Variants in METTL22 observed in about 807,000 individuals in gnomAD.
METTL22 encodes methyltransferase 22, Kin17 lysine, also known as methyltransferase-like protein 22.
METTL22 carries 51 observed loss-of-function variants against 48.4 expected under a neutral mutation model. The ratio of observed to expected loss-of-function variants is 1.05; its 90% CI spans 0.84 to 1.33. METTL22 has a LOEUF of 1.33. Ranked by LOEUF, METTL22 falls within the 40% of genes most tolerant of loss-of-function variation. METTL22 has a pLI of 0.00. For missense variants in METTL22, 678 were observed against 526.9 expected (o/e 1.29, Z -2.81); for synonymous variants, 255 against 214.1 (o/e 1.19, Z -1.67).
At chr16:8,623,382 G>A (rs2141671462) in intron 1 of METTL22, among the ~76,000 whole-genome samples, 1 of 151,250 alleles carries the variant, frequency 6.6e-6, no homozygotes, top group South Asian at 2.1e-4. Context: ...GATTTTTACA[G>A]CAATATTAGA....
intron 9 of METTL22, 21 bp from the exon 10 acceptor site, chr16:8,644,536 G>C: frequency 6.5e-7 from 1 of 1,527,306 alleles, no homozygotes; most frequent in Non-Finnish European, 8.8e-7. Context: ...CAGTTTGTGC[G>C]TCCGACTGGC....
the METTL22 span, among the ~76,000 whole-genome samples, chr16:8,660,683 C>G: frequency 6.6e-6 from 1 of 151,334 alleles, no homozygotes; most frequent in Non-Finnish European, 1.5e-5. Context: ...TTGGTAAGTA[C>G]TAGAAAGAAC....
chr16:8,631,529 A>G (rs1351946703), intron 3 of METTL22: 1 of 152,242 alleles, frequency 6.6e-6, no homozygotes. Flanking sequence ...GACAGCACAT[A>G]CAAAGCTCTT....
Position 8,646,115 on chromosome 16 carries a change from G to A in METTL22, c.1187G>A (p.Trp396Ter). 7.4e-7 allele frequency: 1 copy of A among 1,348,376 alleles called. No individual in the cohort carries two copies. The highest frequency in any genetic ancestry group is 9.6e-7 in the Non-Finnish European group (1 of 1,044,676). 83.5% of individuals were successfully genotyped at this position (1,348,376 alleles called of 1,614,324 possible). A position where few individuals can be genotyped will look rare whatever the true frequency, so the allele number is the denominator to read the frequency against. The change falls in exon 11 of 11, where the codon TGG becomes TAG. Residue 396 changes from tryptophan to a stop codon, truncating the protein, a stop_gained. Transcript: ENST00000381920. LOFTEE classifies it high-confidence loss of function. Reference sequence around the variant, plus strand: ...TTTCTCTGTTTGCTGCAGGAGCTCTGGAAGATCATCGCAGAACCAGTAACA... The same window carrying A: ...TTTCTCTGTTTGCTGCAGGAGCTCTAGAAGATCATCGCAGAACCAGTAACA... ...VYERLQQLELWKIIAEPVT is the reference protein window; with the variant it reads ...VYERLQQLEL
At chr16:8,635,112 G>C (rs2056381858) in intron 4 of METTL22, 33 bp downstream of exon 4, 1 of 1,613,870 alleles carries the variant, frequency 6.2e-7, no homozygotes, top group South Asian at 1.1e-5. Context: ...CTGTGGCCCT[G>C]ATGGGTCCCT....
At chr16:8,650,022 C>G (rs1018453839), downstream of METTL22, among the ~76,000 whole-genome samples, 9 of 152,160 alleles carry the variant, frequency 5.9e-5, no homozygotes, top group African/African-American at 2.2e-4. Context: ...CATGTCATCC[C>G]TGGTTAAGAG....
intron 3 of METTL22, 90 bp downstream of exon 3, chr16:8,629,200 T>C: frequency 6.6e-7 from 1 of 1,508,046 alleles, no homozygotes; most frequent in East Asian, 2.3e-5. Flanking sequence ...GCGTGGACTC[T>C]GCAGGCCCAG....
rs553315255 is a variant in METTL22, at chr16:8,633,399, C to A, written c.515-1640C>A. Among the ~76,000 whole-genome samples, 3 of 152,260 alleles carry A rather than the reference C, an allele frequency of 2.0e-5. No homozygotes were observed. The East Asian group carries it at 5.8e-4, about 29-fold the overall frequency. ...ATCACTTGAGCCCAAGGGTTTGAAA[C>A]CAGCCCTGGCAACATGCTGAGACCC... On this transcript the variant is annotated intron_variant, in intron 3 of 10. Coordinates refer to ENST00000381920, the MANE Select transcript of METTL22 (RefSeq NM_024109.4).
At chr16:8,626,732 A>AACC (rs2056068478) in intron 2 of METTL22, among the ~76,000 whole-genome samples, 1 of 144,702 alleles carries the variant, frequency 6.9e-6, no homozygotes, top group Non-Finnish European at 1.5e-5. Context: ...TACGGGCATG[A>AACC]ACCACCGCAT....
At chr16:8,645,102 G>A (rs543850468) in intron 10 of METTL22, 38 of 169,936 alleles carry the variant, frequency 2.2e-4, no homozygotes, top group African/African-American at 7.6e-4. Flanking sequence ...TGTGGTGGCC[G>A]CTGCTCACAT....
At chr16:8,629,473 G>C (rs542559757) in intron 3 of METTL22, among the ~76,000 whole-genome samples, 1 of 152,210 alleles carries the variant, frequency 6.6e-6, no homozygotes, top group African/African-American at 2.4e-5. Flanking sequence ...CTAACTCAGC[G>C]TGTTGGGGGT....
intron 6 of METTL22, chr16:8,639,432 C>G (rs2056524030): frequency 1.9e-6 from 1 of 527,098 alleles, no homozygotes; most frequent in South Asian, 2.2e-5. Context: ...GCTGGTCTCC[C>G]CAGCTCCTTA....
At chr16:8,633,273 C>T (rs1337263608) in intron 3 of METTL22, among the ~76,000 whole-genome samples, 3 of 152,076 alleles carry the variant, frequency 2.0e-5, no homozygotes, top group African/African-American at 7.3e-5. Flanking sequence ...TGGCATGGTT[C>T]AGATTCTACA....
chr16:8,660,434 C>A, the METTL22 span, among the ~76,000 whole-genome samples: 2 of 152,092 alleles, frequency 1.3e-5, no homozygotes, highest in East Asian at 3.9e-4. Flanking sequence ...CTGCTTCGGC[C>A]TCCCAAAGTG....
intron 5 of METTL22, 115 bp downstream of exon 5, chr16:8,635,427 T>C: frequency 1.2e-5 from 16 of 1,323,746 alleles, no homozygotes; most frequent in South Asian, 8.1e-5. Context: ...GTTGTTGATT[T>C]TGCCATCCTG....
At chr16:8,665,250 G>A in the METTL22 span, among the ~76,000 whole-genome samples, 1 of 152,196 alleles carries the variant, frequency 6.6e-6, no homozygotes, top group South Asian at 2.1e-4. Context: ...AGGCTGCAGT[G>A]AGCCAAGACC....
At chr16:8,651,013 T>C (rs1457990998), downstream of METTL22, among the ~76,000 whole-genome samples, 2 of 151,660 alleles carry the variant, frequency 1.3e-5, no homozygotes, top group Non-Finnish European at 2.9e-5. Flanking sequence ...AGAGCGAGAC[T>C]CCGTCTCAAA....
At chr16:8,631,600 G>C (rs1202546448) in intron 3 of METTL22, 1 of 152,210 alleles carries the variant, frequency 6.6e-6, no homozygotes, top group Non-Finnish European at 1.5e-5. Context: ...CTGGGGACTG[G>C]CCCAAGCTGG....
chr16:8,645,249 A>T (rs890085295), intron 10 of METTL22, among the ~76,000 whole-genome samples: 9 of 152,034 alleles, frequency 5.9e-5, no homozygotes, highest in African/African-American at 2.2e-4. Context: ...GTCTGTGGAG[A>T]CCCGGGCCTA....
Sources: allele counts gnomAD v4.1 joint callset (sites outside exome capture counted in the v4.1 genomes callset), GRCh38; gene constraint gnomAD v4.1.1; transcripts MANE v1.5; gene names NCBI Gene and HGNC (gene_info 2026-07-23, HGNC 2026-07-21).